Variants in RAB3C observed in about 807,000 individuals in gnomAD.
The protein encoded by RAB3C is ras-related protein Rab-3C.
In RAB3C, 17 loss-of-function variants were observed where a neutral mutation model predicts 26.4. The observed-to-expected ratio is 0.64, with a 90% confidence interval of 0.44 to 0.97. RAB3C has a LOEUF of 0.97. Among genes scored for constraint, RAB3C ranks in the 50% least tolerant of loss-of-function variants. The probability of loss-of-function intolerance (pLI) is 0.00; values close to 1 mark genes in which losing one functional copy is unlikely to be tolerated. For synonymous variants in RAB3C, 91 were observed against 95.9 expected, an observed-to-expected ratio of 0.95 and a Z score of 0.30; for missense variants, 242 against 281.9, an observed-to-expected ratio of 0.86 and a Z score of 1.01.
intron 2 of RAB3C, chr5:58,689,446 TC>T (rs1308731184): frequency 2.0e-5 from 3 of 152,168 alleles, no homozygotes; most frequent in Non-Finnish European, 2.9e-5. Flanking sequence ...TTAGAGGGCA[TC>T]CCATGAAGTA....
chr5:58,814,419 T>G (rs1743165935), intron 3 of RAB3C, among the ~76,000 whole-genome samples: 1 of 152,186 alleles, frequency 6.6e-6, no homozygotes, highest in Admixed American at 6.5e-5. Context: ...AAGAGAAGGT[T>G]CTGGTACCTA....
intron 3 of RAB3C, among the ~76,000 whole-genome samples, chr5:58,726,617 A>C (rs1202303783): frequency 6.6e-6 from 1 of 151,962 alleles, no homozygotes; most frequent in African/African-American, 2.4e-5. Context: ...AAAGCCTAAA[A>C]TATTTTCGAT....
At chr5:58,748,462 C>T (rs948965182) in intron 3 of RAB3C, among the ~76,000 whole-genome samples, 6 of 152,088 alleles carry the variant, frequency 3.9e-5, no homozygotes, top group Non-Finnish European at 8.8e-5. Flanking sequence ...GTCTGAGAAC[C>T]ATTGCTGTAA....
chr5:58,770,727 A>G (rs1742014632), intron 3 of RAB3C, among the ~76,000 whole-genome samples: 1 of 152,308 alleles, frequency 6.6e-6, no homozygotes, highest in South Asian at 2.1e-4. Flanking sequence ...TTTACCAAAC[A>G]ACACAGTCTG....
At chr5:58,748,665 AAAT>A (rs1414887565) in intron 3 of RAB3C, among the ~76,000 whole-genome samples, 1 of 152,200 alleles carries the variant, frequency 6.6e-6, no homozygotes, top group Admixed American at 6.5e-5. Flanking sequence ...TATACATATG[AAAT>A]AATATGTCCT....
At chr5:58,795,249 A>G (rs1418237260) in intron 3 of RAB3C, among the ~76,000 whole-genome samples, 1 of 152,146 alleles carries the variant, frequency 6.6e-6, no homozygotes, top group Non-Finnish European at 1.5e-5. Context: ...TGGAACTGTT[A>G]GTCAATTAAA....
At chr5:58,632,745 G>T (rs565512017) in intron 2 of RAB3C, among the ~76,000 whole-genome samples, 86 of 152,262 alleles carry the variant, frequency 5.6e-4, no homozygotes, top group Non-Finnish European at 1.1e-3. Flanking sequence ...TTTGACAATG[G>T]TTCTACTTGC....
rs1313117955 is a variant in RAB3C, at chr5:58,858,487, A to T, written c.*7136A>T. 6.6e-6 allele frequency: 1 copy of T among 152,214 alleles called. No homozygotes were observed. The highest frequency in any genetic ancestry group is 1.5e-5 in the Non-Finnish European group (1 of 68,084). 9.4% of individuals were successfully genotyped at this position (152,214 alleles called of 1,614,324 possible). On this transcript the variant is annotated 3_prime_UTR_variant, in exon 5 of 5. Transcript: ENST00000282878. ...CCCCTAATGAGAACAAGGGGGAAAA[A>T]TCCAGATATAATCTAAATGCTAGGT...
intron 3 of RAB3C, among the ~76,000 whole-genome samples, chr5:58,809,385 GAAAAAAAAA>G (rs34954956): frequency 1.7e-5 from 2 of 115,028 alleles, no homozygotes; most frequent in African/African-American, 6.3e-5. Flanking sequence ...CTTTTTCTCA[GAAAAAAAAA>G]AAAAAAAAAC....
At chr5:58,597,257 C>A (rs375515484) in intron 1 of RAB3C, among the ~76,000 whole-genome samples, 4 of 32 alleles carry the variant, frequency 0.12, 1 homozygote, top group South Asian at 0.5. Flanking sequence ...ATAATATATA[C>A]TACACAATAT....
chr5:58,676,498 G>A (rs996268631), intron 2 of RAB3C, among the ~76,000 whole-genome samples: 1 of 151,882 alleles, frequency 6.6e-6, no homozygotes, highest in Non-Finnish European at 1.5e-5. Context: ...GCAAGACTCT[G>A]TTGCCAAAAA....
intron 2 of RAB3C, 126 bp from the exon 3 acceptor site, chr5:58,725,876 G>C: frequency 1.9e-6 from 1 of 517,614 alleles, no homozygotes; most frequent in East Asian, 3.1e-5. Flanking sequence ...GACCAAAAAA[G>C]ATAGACAGCT....
chr5:58,751,569 C>A (rs1200966127), intron 3 of RAB3C, among the ~76,000 whole-genome samples: 2 of 152,118 alleles, frequency 1.3e-5, no homozygotes, highest in Non-Finnish European at 2.9e-5. Context: ...TAAAGACTGG[C>A]AGGATAACAT....
intron 3 of RAB3C, among the ~76,000 whole-genome samples, chr5:58,771,777 A>G (rs1184898972): frequency 6.6e-6 from 1 of 152,032 alleles, no homozygotes; most frequent in African/African-American, 2.4e-5. Context: ...TCTTTACAAA[A>G]TAAAATCTGA....
chr5:58,617,314 T>G (rs1423075809), intron 1 of RAB3C, among the ~76,000 whole-genome samples: 2 of 152,180 alleles, frequency 1.3e-5, no homozygotes, highest in African/African-American at 4.8e-5. Flanking sequence ...AGAGCCCACA[T>G]GCCCTGGCCA....
chr5:58,638,827 A>G (rs1273247987), intron 2 of RAB3C, among the ~76,000 whole-genome samples: 1 of 152,226 alleles, frequency 6.6e-6, no homozygotes, highest in Admixed American at 6.5e-5. Context: ...AAATATAGTA[A>G]CAGGTGTGTA....
chr5:58,764,299 C>A (rs1741853735), intron 3 of RAB3C, among the ~76,000 whole-genome samples: 1 of 92,982 alleles, frequency 1.1e-5, no homozygotes, highest in African/African-American at 3.6e-5. Flanking sequence ...ACGGCTATGG[C>A]CTTTAAATCC....
chr5:58,843,637 G>A (rs142789667), intron 4 of RAB3C, among the ~76,000 whole-genome samples: 22 of 152,146 alleles, frequency 1.4e-4, no homozygotes, highest in African/African-American at 4.3e-4. Flanking sequence ...GAAGTGTAAC[G>A]ATCTTGCATT....
chr5:58,765,911 A>T (rs1344400062), intron 3 of RAB3C, among the ~76,000 whole-genome samples: 1 of 151,968 alleles, frequency 6.6e-6, no homozygotes, highest in Non-Finnish European at 1.5e-5. Context: ...TTCTCGTGAG[A>T]TCTGGTTGTT....
Sources: gnomAD v4.1 joint callset for allele counts (sites outside exome capture counted in the v4.1 genomes callset) on GRCh38, gnomAD v4.1.1 for gene constraint, MANE v1.5 for transcripts, NCBI Gene and HGNC (gene_info 2026-07-23, HGNC 2026-07-21) for gene names.